The following ZNF346 variants were observed in gnomAD, a reference collection of about 807,000 sequenced individuals.
The protein encoded by ZNF346 is zinc finger protein 346.
ZNF346 carries 23 observed loss-of-function variants against 33.7 expected under a neutral mutation model. That is an observed-to-expected ratio of 0.68 (90% CI 0.49 to 0.97). ZNF346 has a LOEUF of 0.97. Among genes scored for constraint, ZNF346 ranks in the 50% least tolerant of loss-of-function variants. The pLI, the probability that ZNF346 is intolerant of heterozygous loss-of-function variation, is 0.00. For synonymous variants in ZNF346, 134 were observed against 142.4 expected (o/e 0.94, Z 0.42); for missense variants, 340 against 371.1 (o/e 0.92, Z 0.69).
intron 4 of ZNF346, among the ~76,000 whole-genome samples, chr5:177,044,823 C>A (rs1779820884): frequency 6.6e-6 from 1 of 152,170 alleles, no homozygotes; most frequent in Admixed American, 6.5e-5. Context: ...CCACGCATAC[C>A]ATGAGAGCAT....
chr5:177,078,070 C>T (rs10075174), intron 8 of ZNF346, among the ~76,000 whole-genome samples: 19,439 of 151,952 alleles, frequency 0.13, 2,899 homozygotes, highest in African/African-American at 0.36. Flanking sequence ...TTGCTTGAAC[C>T]CGGGAGGTGG....
chr5:177,034,317 A>C (rs1246701942), intron 1 of ZNF346, among the ~76,000 whole-genome samples: 1 of 149,948 alleles, frequency 6.7e-6, no homozygotes, highest in African/African-American at 2.5e-5. Context: ...TCCTGGGCTC[A>C]AGTTCAAACG....
intron 5 of ZNF346, among the ~76,000 whole-genome samples, chr5:177,051,341 AT>A (rs1474300832): frequency 6.7e-6 from 1 of 150,330 alleles, no homozygotes; most frequent in Non-Finnish European, 1.5e-5. Flanking sequence ...TGCCCAGCTA[AT>A]TTTTTTGTAT....
Position 177,077,804 on chromosome 5 carries a change from A to G in ZNF346, c.*3-1578A>G, listed in dbSNP as rs1439008274. Among the ~76,000 whole-genome samples the G allele has an allele frequency of 4.6e-5, 7 of 152,274 alleles. No homozygotes were observed. Among genetic ancestry groups the G allele is most frequent in the Admixed American group, 4.6e-4 (7 of 15,290 alleles). ...TGAGGGGTCGTTACCAGAGAGAGGA[A>G]AAGGGTTTTAATGTCCAGTTTAGGG... On this transcript the variant is annotated intron_variant, in intron 8 of 8. Coordinates refer to the ZNF346 transcript ENST00000503039. The surrounding 1 kb of genome is among the most constrained non-coding windows in gnomAD (Gnocchi z 5.0).
chr5:177,048,787 C>CTT (rs58509601), intron 4 of ZNF346, among the ~76,000 whole-genome samples: 3,572 of 132,164 alleles, frequency 0.027, 85 homozygotes, highest in South Asian at 0.1. Context: ...CTTTTTTTTT[C>CTT]TTTTTTTTTT....
intron 5 of ZNF346, among the ~76,000 whole-genome samples, chr5:177,059,583 T>C (rs1322134188): frequency 3.5e-5 from 5 of 144,506 alleles, no homozygotes; most frequent in African/African-American, 1.3e-4. Context: ...CCCCAGAGCA[T>C]TGAATGTCCC....
chr5:177,056,620 G>A (rs929216080), intron 5 of ZNF346, among the ~76,000 whole-genome samples: 1 of 152,146 alleles, frequency 6.6e-6, no homozygotes, highest in African/African-American at 2.4e-5. Context: ...TTGTAGGGAC[G>A]TGGATGAAGC....
chr5:177,050,974 G>C lies in ZNF346; in HGVS notation c.703+38G>C, dbSNP rs768884380. 4.5e-6 allele frequency: 7 copies of C among 1,565,590 alleles called. No homozygotes were observed. The South Asian group carries it at 5.6e-5, about 12-fold the overall frequency. Reference sequence around the variant, plus strand: ...AGCTCACACCCAGAGCTGGACCAGGGTTTGGCCACTGGGGCTACCCGGACC... The same window carrying C: ...AGCTCACACCCAGAGCTGGACCAGGCTTTGGCCACTGGGGCTACCCGGACC... On this transcript the variant is annotated intron_variant, in intron 5 of 6. Coordinates refer to ENST00000358149, the MANE Select transcript of ZNF346 (RefSeq NM_012279.4).
chr5:177,052,167 A>G (rs1291063767), intron 5 of ZNF346, among the ~76,000 whole-genome samples: 1 of 147,918 alleles, frequency 6.8e-6, no homozygotes, highest in Non-Finnish European at 1.5e-5. Context: ...TGTATCAAAA[A>G]AACAATTTTT....
At position 177,032,275 on chromosome 5, in the gene ZNF346, A is replaced by T. The variant is rs1382508105; in HGVS notation, c.176-8851A>T. On this transcript the variant is annotated intron_variant, in intron 1 of 6. Transcript: ENST00000358149. ...CACCTTGGCCTCCTAAAGTGCTGGG[A>T]TTACAGGCGTGAGCCACTGCACCCA... is the stretch of plus-strand genomic sequence containing the variant. 2.0e-5 allele frequency among the ~76,000 whole-genome samples: 3 copies of T among 151,874 alleles called. No individual in the cohort carries two copies. The East Asian group carries it at 5.8e-4, about 29-fold the overall frequency.
At chr5:177,058,328 G>A (rs544547272) in intron 5 of ZNF346, among the ~76,000 whole-genome samples, 41 of 151,672 alleles carry the variant, frequency 2.7e-4, no homozygotes, top group African/African-American at 8.2e-4. Flanking sequence ...AAAATTAGCC[G>A]GGCGTAGTGG....
At chr5:177,035,677 G>T (rs1344093255) in intron 1 of ZNF346, among the ~76,000 whole-genome samples, 1 of 134,380 alleles carries the variant, frequency 7.4e-6, no homozygotes, top group Non-Finnish European at 1.6e-5. Context: ...ACTGTGTCGC[G>T]CAGGCTGGAG....
intron 5 of ZNF346, among the ~76,000 whole-genome samples, chr5:177,058,972 T>C (rs955848009): frequency 2.0e-5 from 3 of 152,254 alleles, no homozygotes; most frequent in Non-Finnish European, 4.4e-5. Flanking sequence ...TGGCCTCAAG[T>C]GATCCACCCG....
chr5:177,031,298 G>T (rs1248957537), intron 1 of ZNF346, among the ~76,000 whole-genome samples: 4 of 152,236 alleles, frequency 2.6e-5, no homozygotes, highest in Non-Finnish European at 5.9e-5. Flanking sequence ...CTCCCAAAGT[G>T]CTGGGATTAC....
At position 177,060,679 on chromosome 5, in the gene ZNF346, G is replaced by A. The variant is rs146280801; in HGVS notation, c.704-1379G>A. 3.1e-3 allele frequency among the ~76,000 whole-genome samples: 469 copies of A among 152,238 alleles called. 1 individual carries two copies. The highest frequency in any genetic ancestry group is 7.5e-3 in the Admixed American group (115 of 15,292). ...ATAGAAAAATTAGGCATGGTGGCAC[G>A]CACCAGTAGTCCCAGCTACTTGGGA... On this transcript the variant is annotated intron_variant, in intron 5 of 6. Transcript: ENST00000358149.
At chr5:177,044,205 A>G in intron 3 of ZNF346, 184 bp from the exon 4 acceptor site, 1 of 614,348 alleles carries the variant, frequency 1.6e-6, no homozygotes, top group Non-Finnish European at 2.8e-6. Context: ...GCATCAGAGA[A>G]TAAAGTGGGG....
chr5:177,025,997 A>T (rs6888799), intron 1 of ZNF346, among the ~76,000 whole-genome samples: 14,150 of 148,236 alleles, frequency 0.095, 1,343 homozygotes, highest in African/African-American at 0.25. Context: ...TATTATTATT[A>T]TTTTTTTTTT....
At chr5:177,044,331 T>G in intron 3 of ZNF346, 58 bp from the exon 4 acceptor site, 2 of 1,605,868 alleles carry the variant, frequency 1.2e-6, no homozygotes, top group East Asian at 4.5e-5. Context: ...GGGGAACCAT[T>G]GAAGATTTTC....
intron 4 of ZNF346, among the ~76,000 whole-genome samples, chr5:177,045,803 A>G (rs774277165): frequency 1.3e-5 from 2 of 151,762 alleles, no homozygotes; most frequent in Non-Finnish European, 2.9e-5. Flanking sequence ...TCATAATTAC[A>G]CCTTTTTATC....
Sources: gnomAD v4.1 joint callset for allele counts (sites outside exome capture counted in the v4.1 genomes callset) on GRCh38, gnomAD v4.1.1 for gene constraint, Gnocchi (gnomAD v3.1) non-coding constraint, MANE v1.5 for transcripts, NCBI Gene and HGNC (gene_info 2026-07-23, HGNC 2026-07-21) for gene names.